MNT: variants seen among roughly 807,000 people sequenced by gnomAD.
MNT encodes MAX network transcriptional repressor.
In MNT, 13 loss-of-function variants were observed where a neutral mutation model predicts 40.7. The ratio of observed to expected loss-of-function variants is 0.32; its 90% CI spans 0.21 to 0.51. The LOEUF is 0.51. Among genes scored for constraint, MNT ranks in the 20% least tolerant of loss-of-function variants. The pLI, the probability that MNT is intolerant of heterozygous loss-of-function variation, is 0.98. For synonymous variants in MNT, 426 were observed against 354.8 expected, an observed-to-expected ratio of 1.20 and a Z score of -2.26; for missense variants, 757 against 792.0, an observed-to-expected ratio of 0.96 and a Z score of 0.53.
In MNT at chr17:2,387,546, C is replaced by T. The variant is rs201082670; in HGVS notation, c.1104G>A (p.Leu368=). ...GCGCAGGGGTGGTGCTGGGGGGTGGCAGGGTGGACTTCAGCAGCTCCGGCT... is the reference window on the plus strand; with the variant it reads ...GCGCAGGGGTGGTGCTGGGGGGTGGTAGGGTGGACTTCAGCAGCTCCGGCT... ...RPQPELLKST[L]PPPSTTPAPL... The change falls in exon 6 of 6, where the codon CTG becomes CTA. Residue 368 remains leucine (L), a synonymous_variant. Transcript: ENST00000174618. 6 of 1,613,794 alleles carry T rather than the reference C, an allele frequency of 3.7e-6. No homozygotes were observed. The African/African-American group carries it at 6.7e-5, about 18-fold the overall frequency.
chr17:2,398,592 G>C (rs1371137048), intron 1 of MNT, among the ~76,000 whole-genome samples: 1 of 152,220 alleles, frequency 6.6e-6, no homozygotes, highest in East Asian at 1.9e-4. Flanking sequence ...GAGTTTTTGA[G>C]TAGATCTAGC....
chr17:2,387,924 C>G lies in MNT; in HGVS notation c.933G>C (p.Glu311Asp). The stretch of plus-strand genomic sequence containing the variant: ...CCGTCTGCCGCAGCACGCGGTCAAT[C>G]TCCAGTACGTCCATCCACTGGCTCA... ...HELSQWMDVL[E>D]IDRVLRQTGQ... Residue 311 changes from glutamate to aspartate, a missense_variant, in exon 5 of 6, where the codon GAG (glutamate) becomes GAC (aspartate). By Grantham distance (45) the Glu-to-Asp change is conservative. Transcript: ENST00000174618. 1 of 1,609,560 alleles carries G rather than the reference C, an allele frequency of 6.2e-7. No homozygotes were observed. The highest frequency in any genetic ancestry group is 1.7e-4 in the Middle Eastern group (1 of 5,860).
intron 1 of MNT, among the ~76,000 whole-genome samples, chr17:2,398,581 T>C (rs1354037776): frequency 2.0e-5 from 3 of 152,182 alleles, no homozygotes; most frequent in African/African-American, 7.2e-5. Flanking sequence ...CACCCGTACA[T>C]GAGTTTTTGA....
Position 2,387,352 on chromosome 17 carries a change from G to A in MNT, c.1298C>T (p.Thr433Met), listed in dbSNP as rs749177823. Residue 433 changes from threonine (T) to methionine (M), a missense_variant, in exon 6 of 6, where the codon ACG becomes ATG. Coordinates refer to ENST00000174618, the MANE Select transcript of MNT (RefSeq NM_020310.3). Reference protein sequence around the residue: ...LVPAPAHLVATAGGGSTVIAH... With the variant: ...LVPAPAHLVAMAGGGSTVIAH... ...GATGACCGTGGAGCCACCCCCAGCC[G>A]TCGCCACCAGATGGGCTGGAGCTGG... 3 of 1,612,264 alleles carry A rather than the reference G, an allele frequency of 1.9e-6. No individual in the cohort carries two copies. Among genetic ancestry groups the A allele is most frequent in the Non-Finnish European group, 1.7e-6 (2 of 1,179,430 alleles).
rs1198314161 is a variant in MNT at position 2,386,753 on chromosome 17, G to A, written c.*148C>T. On this transcript the variant is annotated 3_prime_UTR_variant, in exon 6 of 6. Transcript: ENST00000174618. ...TGGCCCTTCCCTCCCTTGGCTCAGA[G>A]TCTTTGCACCCCCTTCCCCTAGGAG... 7 of 778,172 alleles carry A rather than the reference G, an allele frequency of 9.0e-6. No individual in the cohort carries two copies. The highest frequency in any genetic ancestry group is 4.7e-5 in the South Asian group (2 of 42,200). The allele number at this position is 778,172 out of a possible 1,614,324, so 48.2% of individuals were successfully genotyped here.
At position 2,395,153 on chromosome 17, in the gene MNT, G is replaced by T; in HGVS notation, c.375C>A (p.Gly125=). 6.9e-7 allele frequency: 1 copy of T among 1,457,354 alleles called. No homozygotes were observed. The highest frequency in any genetic ancestry group is 1.4e-5 in the South Asian group (1 of 70,412). The allele number at this position is 1,457,354 out of a possible 1,614,324, so 90.3% of individuals were successfully genotyped here. ...GCTCCTTAATGCTGAGTCCGGGGGC[G>T]CCAACCAGGGCCGGCTGACGAGGCG... ...PLAPRQPALV[G]APGLSIKEPA... is the part of the protein sequence containing the mutation. Residue 125 remains glycine, a synonymous_variant, in exon 2 of 6, where the codon GGC becomes GGA. Transcript: ENST00000174618.
chr17:2,395,022 A>T lies in MNT; in HGVS notation c.506T>A (p.Leu169His). 1 of 1,596,520 alleles carries T rather than the reference A, an allele frequency of 6.3e-7. No homozygotes were observed. Among genetic ancestry groups the T allele is most frequent in the South Asian group, 1.1e-5 (1 of 88,468 alleles). ...PNGSPKPLQP[L>H]PTPVLTIAPH... ...CGCTATGGTCAGGACAGGCGTGGGG[A>T]GGGGCTGCAAAGGCTTGGGGCTGCC... is the stretch of plus-strand genomic sequence containing the variant. The change falls in exon 2 of 6, where the codon CTC (leucine) becomes CAC (histidine). Residue 169 changes from leucine (L) to histidine (H), a missense_variant. By Grantham distance (99) the Leu-to-His change is moderately conservative (BLOSUM62 -3). This residue lies in a region of MNT where 335 missense variants were observed against 291.4 expected (regional missense o/e 1.15). Transcript: ENST00000174618.
intron 4 of MNT, among the ~76,000 whole-genome samples, chr17:2,393,430 T>C (rs1473924412): frequency 6.6e-6 from 1 of 152,100 alleles, no homozygotes; most frequent in South Asian, 2.1e-4. Context: ...AAGCGTGACG[T>C]GTTTCAGGCT....
chr17:2,393,364 A>T (rs1402566414), intron 4 of MNT, among the ~76,000 whole-genome samples: 1 of 152,082 alleles, frequency 6.6e-6, no homozygotes, highest in Non-Finnish European at 1.5e-5. Context: ...GGGGACGCGC[A>T]GCCGGGAGGG....
intron 1 of MNT, among the ~76,000 whole-genome samples, chr17:2,399,897 C>T (rs1178557731): frequency 1.3e-5 from 2 of 152,222 alleles, no homozygotes; most frequent in African/African-American, 4.8e-5. Context: ...GGGGCTGACC[C>T]CCAGCGACCC....
chr17:2,394,257 TCGCG>T (rs750950737), intron 3 of MNT, 44 bp downstream of exon 3: 147 of 1,522,122 alleles, frequency 9.7e-5, no homozygotes, highest in Middle Eastern at 4.2e-4. Context: ...GGGGCCCGGG[TCGCG>T]CGCGCACGCA....
Position 2,388,957 on chromosome 17 carries a change from C to T in MNT, c.808-908G>A, listed in dbSNP as rs141815465. Reference sequence around the variant, plus strand: ...GGCCTGCTCTCGAGCTCCTAGCTTCCCAGGCTTACTGGTCATGTCCAGGTG... The same window carrying T: ...GGCCTGCTCTCGAGCTCCTAGCTTCTCAGGCTTACTGGTCATGTCCAGGTG... On this transcript the variant is annotated intron_variant, in intron 4 of 5. Transcript: ENST00000174618. Among the ~76,000 whole-genome samples, 481 of 152,288 alleles carry T rather than the reference C, an allele frequency of 3.2e-3. 1 individual carries two copies. The highest frequency in any genetic ancestry group is 0.011 in the African/African-American group (467 of 41,554).
chr17:2,396,734 C>G (rs959286908), intron 1 of MNT: 1 of 152,304 alleles, frequency 6.6e-6, no homozygotes, highest in Non-Finnish European at 1.5e-5. Flanking sequence ...CCCTTGGAGT[C>G]TGCAGACTCC....
At chr17:2,393,015 C>T (rs1408023576) in intron 4 of MNT, among the ~76,000 whole-genome samples, 3 of 152,038 alleles carry the variant, frequency 2.0e-5, no homozygotes, top group Non-Finnish European at 4.4e-5. Flanking sequence ...GGAGGGGCGG[C>T]GCCCAGCGGC....
chr17:2,387,436 T>G lies in MNT; in HGVS notation c.1214A>C (p.Gln405Pro). Residue 405 changes from glutamine (Q) to proline (P), a missense_variant, in exon 6 of 6, where the codon CAG becomes CCG. Physicochemically the swap from Gln to Pro is moderately conservative, Grantham distance 76 (BLOSUM62 -1). Transcript: ENST00000174618. ...HLPVQQQQPQ[Q>P]KTPLPAPPPP... ...AGGAGGGGCTGGCAGAGGGGTCTTC[T>G]GCTGTGGCTGCTGCTGCTGCACGGG... 6.2e-7 allele frequency: 1 copy of G among 1,610,888 alleles called. No individual in the cohort carries two copies. Among genetic ancestry groups the G allele is most frequent in the Non-Finnish European group, 8.5e-7 (1 of 1,178,598 alleles).
chr17:2,392,402 G>A (rs933757386), intron 4 of MNT, among the ~76,000 whole-genome samples: 2 of 152,204 alleles, frequency 1.3e-5, no homozygotes, highest in African/African-American at 2.4e-5. Flanking sequence ...GGCTGCTGCT[G>A]AGTCTTCTTC....
In MNT at chr17:2,387,626, C is replaced by T; in HGVS notation, c.1024G>A (p.Asp342Asn). 1 of 1,614,062 alleles carries T rather than the reference C, an allele frequency of 6.2e-7. No individual in the cohort carries two copies. The highest frequency in any genetic ancestry group is 8.5e-7 in the Non-Finnish European group (1 of 1,179,990). The stretch of plus-strand genomic sequence containing the variant: ...AGGCCCGCCCGGTCCTCCTCCATAT[C>T]CTCGTCTATGTTGTCCTCACCCTCT... The part of the protein sequence containing the change: ...ASEGEDNIDE[D>N]MEEDRAGLGP... Residue 342 changes from aspartate to asparagine, a missense_variant, in exon 6 of 6, where the codon GAT becomes AAT. Asp to Asn is a conservative substitution (Grantham distance 23, BLOSUM62 1). Transcript: ENST00000174618.
At chr17:2,392,540 G>T (rs775909026) in intron 4 of MNT, among the ~76,000 whole-genome samples, 1 of 152,226 alleles carries the variant, frequency 6.6e-6, no homozygotes, top group Non-Finnish European at 1.5e-5. Context: ...GGAGTGCAGC[G>T]AAGTGTCTGC....
rs548948392 is a variant in MNT, at chr17:2,397,139, T to C, written c.74-1685A>G. 3.3e-5 allele frequency among the ~76,000 whole-genome samples: 5 copies of C among 152,278 alleles called. No homozygotes were observed. In the South Asian group the frequency reaches 1.0e-3, roughly 32 times the overall value. ...GGGGCTGGGCCAGCCAGCGGGCCTC[T>C]TCCAGATCTCCCTAGCCCTTCGGGA... is the stretch of plus-strand genomic sequence containing the variant. On this transcript the variant is annotated intron_variant, in intron 1 of 5. Transcript: ENST00000174618.
Sources: allele counts gnomAD v4.1 joint callset (sites outside exome capture counted in the v4.1 genomes callset), GRCh38; gene constraint gnomAD v4.1.1; regional missense constraint gnomAD v4.1.1; transcripts MANE v1.5; gene names NCBI Gene and HGNC (gene_info 2026-07-23, HGNC 2026-07-21).